RAB38: variants seen among roughly 807,000 people sequenced by gnomAD.
RAB38 encodes RAB38, member RAS oncogene family, also known as ras-related protein Rab-38.
RAB38 carries 15 observed loss-of-function variants against 18.4 expected under a neutral mutation model. The observed-to-expected ratio is 0.82, with a 90% CI of 0.55 to 1.26. The LOEUF is 1.26. RAB38 is among the 50% of genes most tolerant of loss of function. The pLI, the probability that RAB38 is intolerant of heterozygous loss-of-function variation, is 0.00. For synonymous variants in RAB38, 101 were observed against 104.4 expected (o/e 0.97, Z 0.20); for missense variants, 294 against 267.4 (o/e 1.10, Z -0.69).
At chr11:88,125,951 A>G (rs938723707) in intron 2 of RAB38, among the ~76,000 whole-genome samples, 1 of 152,172 alleles carries the variant, frequency 6.6e-6, no homozygotes, top group African/African-American at 2.4e-5. Flanking sequence ...CAGTTTTCCC[A>G]GCACCATTTA....
chr11:87,843,241 T>C, the RAB38 span, among the ~76,000 whole-genome samples: 1 of 152,208 alleles, frequency 6.6e-6, no homozygotes, highest in East Asian at 1.9e-4. Flanking sequence ...AGAAGCCTAG[T>C]CTACATATGT....
intron 1 of RAB38, among the ~76,000 whole-genome samples, chr11:88,169,170 A>C (rs1309822246): frequency 6.6e-6 from 1 of 152,188 alleles, no homozygotes. Flanking sequence ...TGAGGGTCAA[A>C]AGAGAAAAGA....
At chr11:88,130,750 GGTA>G (rs1565212022) in intron 2 of RAB38, among the ~76,000 whole-genome samples, 8 of 152,116 alleles carry the variant, frequency 5.3e-5, no homozygotes, top group Admixed American at 2.6e-4. Context: ...TTTCTCAGGT[GGTA>G]GTATAGGACT....
chr11:87,831,973 A>G, the RAB38 span, among the ~76,000 whole-genome samples: 84 of 152,320 alleles, frequency 5.5e-4, 1 homozygote, highest in Non-Finnish European at 9.0e-4. Context: ...TTAAATGTCT[A>G]CTATGTGCCA....
the RAB38 span, among the ~76,000 whole-genome samples, chr11:88,038,475 A>G: frequency 6.6e-6 from 1 of 152,118 alleles, no homozygotes; most frequent in Non-Finnish European, 1.5e-5. Context: ...AGTTTTATTT[A>G]TCAATTTAGA....
chr11:88,005,140 T>C, the RAB38 span, among the ~76,000 whole-genome samples: 1 of 151,444 alleles, frequency 6.6e-6, no homozygotes, highest in Non-Finnish European at 1.5e-5. Context: ...CTCATAACAC[T>C]TCTATGGAAA....
At chr11:88,026,562 C>CAAA in the RAB38 span, among the ~76,000 whole-genome samples, 30 of 54,168 alleles carry the variant, frequency 5.5e-4, no homozygotes, top group East Asian at 1.4e-3. Flanking sequence ...GACTCTGTCA[C>CAAA]AAAAAAAAAA....
At chr11:87,973,196 G>A in the RAB38 span, among the ~76,000 whole-genome samples, 1 of 151,974 alleles carries the variant, frequency 6.6e-6, no homozygotes, top group Non-Finnish European at 1.5e-5. Flanking sequence ...AATGTAGGGA[G>A]GAGCTAAATA....
chr11:88,004,001 A>ATAT, the RAB38 span, among the ~76,000 whole-genome samples: 3 of 127,430 alleles, frequency 2.4e-5, no homozygotes, highest in Admixed American at 8.8e-5. Context: ...ATATATATAT[A>ATAT]AAAAAGGTAT....
chr11:88,039,131 T>C, the RAB38 span, among the ~76,000 whole-genome samples: 1 of 152,182 alleles, frequency 6.6e-6, no homozygotes, highest in East Asian at 1.9e-4. Context: ...TCGTGTTCCT[T>C]TGTTTTTAGT....
the RAB38 span, among the ~76,000 whole-genome samples, chr11:87,919,582 G>T: frequency 1.3e-5 from 2 of 151,580 alleles, no homozygotes; most frequent in Non-Finnish European, 2.9e-5. Flanking sequence ...TGGTGTCCTT[G>T]TCTGGCTTTG....
chr11:88,069,497 C>T, the RAB38 span, among the ~76,000 whole-genome samples: 1 of 152,234 alleles, frequency 6.6e-6, no homozygotes, highest in Non-Finnish European at 1.5e-5. Context: ...CTAGGTGAAG[C>T]CAGCTGGGCT....
At chr11:87,956,289 G>T in the RAB38 span, among the ~76,000 whole-genome samples, 2 of 152,132 alleles carry the variant, frequency 1.3e-5, no homozygotes, top group South Asian at 2.1e-4. Flanking sequence ...CAAATAAATT[G>T]TAGCTATTGT....
At chr11:88,037,255 A>C in the RAB38 span, among the ~76,000 whole-genome samples, 1 of 152,042 alleles carries the variant, frequency 6.6e-6, no homozygotes, top group African/African-American at 2.4e-5. Context: ...TAATAATCTC[A>C]TAAGTTTGTT....
the RAB38 span, among the ~76,000 whole-genome samples, chr11:88,062,354 C>T: frequency 1.3e-5 from 2 of 152,088 alleles, no homozygotes; most frequent in African/African-American, 4.8e-5. Flanking sequence ...GCCTGCTTCC[C>T]CTTCCACCAT....
chr11:88,104,455 T>C, the RAB38 span, among the ~76,000 whole-genome samples: 1 of 152,118 alleles, frequency 6.6e-6, no homozygotes, highest in Non-Finnish European at 1.5e-5. Context: ...TGAGTCATGG[T>C]AAAACAAAAT....
the RAB38 span, among the ~76,000 whole-genome samples, chr11:87,836,617 A>G: frequency 6.6e-6 from 1 of 152,096 alleles, no homozygotes; most frequent in South Asian, 2.1e-4. Context: ...TACTCTAGCT[A>G]GAGTCTTCTA....
chr11:87,836,149 T>A, the RAB38 span, among the ~76,000 whole-genome samples: 1 of 152,208 alleles, frequency 6.6e-6, no homozygotes, highest in Non-Finnish European at 1.5e-5. Flanking sequence ...ACTATAAAAC[T>A]GATAATTGTA....
intron 2 of RAB38, among the ~76,000 whole-genome samples, chr11:88,133,082 G>A (rs1289990952): frequency 2.0e-5 from 3 of 152,192 alleles, no homozygotes; most frequent in African/African-American, 7.2e-5. Context: ...CCCATGCTCT[G>A]TTCAGTCTAC....
Sources: allele counts gnomAD v4.1 joint callset (sites outside exome capture counted in the v4.1 genomes callset), GRCh38; gene constraint gnomAD v4.1.1; transcripts MANE v1.5; gene names NCBI Gene and HGNC (gene_info 2026-07-23, HGNC 2026-07-21).